Variants in PHF14 observed in about 807,000 individuals in gnomAD.
The protein encoded by PHF14 is PHD finger protein 14.
In PHF14, 55 loss-of-function variants were observed where a neutral mutation model predicts 117.9. The ratio of observed to expected loss-of-function variants is 0.47; its 90% CI spans 0.38 to 0.58. The LOEUF is 0.58. Among genes scored for constraint, PHF14 ranks in the 20% least tolerant of loss-of-function variants. The pLI is 0.00. For missense variants in PHF14, 978 were observed against 1,122.2 expected, an observed-to-expected ratio of 0.87 and a Z score of 1.84; for synonymous variants, 409 against 368.6, an observed-to-expected ratio of 1.11 and a Z score of -1.26.
chr7:11,046,824 C>T (rs942884811), intron 13 of PHF14, among the ~76,000 whole-genome samples: 8 of 151,584 alleles, frequency 5.3e-5, no homozygotes, highest in Non-Finnish European at 8.8e-5. Context: ...CAAGACTTTC[C>T]TCTAAATACA....
rs28444275 is a variant in PHF14 at position 11,130,031 on chromosome 7, A to T, written c.2772+18564A>T. ...AAAAAGAATCCCAAATTTTTAGTTG[A>T]TTAATATAAGTTGATTTCTCATTCA... On this transcript the variant is annotated intron_variant, in intron 17 of 17. Transcript: ENST00000634607. This position sits in a 1 kb window ranked among gnomAD's most constrained non-coding sequence, Gnocchi z 4.2. Among the ~76,000 whole-genome samples, 2,601 of 152,108 alleles carry T rather than the reference A, an allele frequency of 0.017. 69 individuals carry two copies. Among genetic ancestry groups the T allele is most frequent in the African/African-American group, 0.059 (2,459 of 41,490 alleles).
At chr7:10,989,383 A>G (rs1460552929) in intron 3 of PHF14, among the ~76,000 whole-genome samples, 1 of 152,092 alleles carries the variant, frequency 6.6e-6, no homozygotes, top group Non-Finnish European at 1.5e-5. Flanking sequence ...AAAAATATAT[A>G]TTGTGTATTG....
intron 5 of PHF14, among the ~76,000 whole-genome samples, chr7:11,022,596 G>A (rs1191019627): frequency 1.3e-5 from 2 of 152,178 alleles, no homozygotes; most frequent in Admixed American, 6.5e-5. Context: ...AGTGCAGTGA[G>A]TGAATTTTAA....
At chr7:11,163,440 A>C (rs1789108217) in intron 17 of PHF14, among the ~76,000 whole-genome samples, 1 of 152,234 alleles carries the variant, frequency 6.6e-6, no homozygotes, top group Non-Finnish European at 1.5e-5. Flanking sequence ...AAATATGCAA[A>C]GTCAGGAAAT....
intron 16 of PHF14, among the ~76,000 whole-genome samples, chr7:11,101,193 A>G (rs1211519690): frequency 1.3e-5 from 2 of 151,894 alleles, no homozygotes; most frequent in East Asian, 1.9e-4. Context: ...AAACTTATCA[A>G]CTTGAATTTA....
chr7:11,060,180 C>T (rs1385845900), intron 14 of PHF14, among the ~76,000 whole-genome samples: 2 of 152,176 alleles, frequency 1.3e-5, no homozygotes, highest in African/African-American at 4.8e-5. Flanking sequence ...CCTGGCCTGT[C>T]AGTCAGATCT....
At chr7:11,021,042 G>C (rs546285273) in intron 5 of PHF14, among the ~76,000 whole-genome samples, 3 of 152,298 alleles carry the variant, frequency 2.0e-5, no homozygotes, top group African/African-American at 7.2e-5. Context: ...TACTGATACA[G>C]AGCACTTCAA....
At chr7:10,996,482 TC>T (rs113675814) in intron 4 of PHF14, among the ~76,000 whole-genome samples, 7,088 of 152,060 alleles carry the variant, frequency 0.047, 462 homozygotes, top group African/African-American at 0.15. Context: ...GAAAACTGTT[TC>T]AAAAAGAGAG....
At chr7:11,014,828 C>G (rs561188718) in intron 5 of PHF14, 1 of 151,840 alleles carries the variant, frequency 6.6e-6, no homozygotes, top group South Asian at 2.1e-4. Flanking sequence ...ACTACATTCA[C>G]ACTCATGTTT....
chr7:11,144,696 T>A (rs2128352117), intron 17 of PHF14, among the ~76,000 whole-genome samples: 1 of 151,550 alleles, frequency 6.6e-6, no homozygotes, highest in East Asian at 1.9e-4. Context: ...TGTATATTCT[T>A]AAAAAGTTAG....
rs980042219 is a variant in PHF14, at chr7:11,062,067, A to C, written c.2636A>C (p.Asp879Ala). 3 of 1,607,394 alleles carry C rather than the reference A, an allele frequency of 1.9e-6. No individual in the cohort carries two copies. The highest frequency in any genetic ancestry group is 2.5e-6 in the Non-Finnish European group (3 of 1,176,684). ...TECATCKGTG[D>A]NENLVRCDEC... ...TGTGCAACTTGCAAGGGAACTGGAGACAATGAAAATCTTGTCAGGTAAGTT... is the reference window on the plus strand; with the variant it reads ...TGTGCAACTTGCAAGGGAACTGGAGCCAATGAAAATCTTGTCAGGTAAGTT... The change falls in exon 16 of 18, where the codon GAC becomes GCC. Residue 879 changes from aspartate (D) to alanine (A), a missense_variant. Physicochemically the swap from Asp to Ala is moderately radical, Grantham distance 126. This residue lies in a region of PHF14 where 180 missense variants were observed against 195.4 expected (regional missense o/e 0.92). Transcript: ENST00000634607.
intron 16 of PHF14, among the ~76,000 whole-genome samples, chr7:11,083,172 A>G (rs956968804): frequency 3.3e-5 from 5 of 152,208 alleles, no homozygotes; most frequent in African/African-American, 1.2e-4. Flanking sequence ...TGCGTCAGGG[A>G]TAAAAACTTT....
At chr7:11,108,195 A>G (rs1423381588) in intron 16 of PHF14, 1 of 151,774 alleles carries the variant, frequency 6.6e-6, no homozygotes, top group East Asian at 1.9e-4. Flanking sequence ...TGATTAGCAC[A>G]TAGAGCTATG....
At chr7:11,135,355 T>C (rs1222359245) in intron 17 of PHF14, among the ~76,000 whole-genome samples, 1 of 152,082 alleles carries the variant, frequency 6.6e-6, no homozygotes, top group African/African-American at 2.4e-5. Context: ...CAGCTGCACA[T>C]GTCCACAGGG....
At chr7:11,000,900 T>G (rs1782846795) in intron 4 of PHF14, among the ~76,000 whole-genome samples, 1 of 152,254 alleles carries the variant, frequency 6.6e-6, no homozygotes, top group Non-Finnish European at 1.5e-5. Context: ...CTCTTGTTTA[T>G]TACGCTTTTG....
intron 17 of PHF14, among the ~76,000 whole-genome samples, chr7:11,167,400 T>C (rs2128358795): frequency 6.6e-6 from 1 of 152,340 alleles, no homozygotes; most frequent in Middle Eastern, 3.4e-3. Context: ...GCAATCTTAA[T>C]TTACGATAGT....
chr7:11,024,007 A>T (rs1362077571), intron 6 of PHF14, among the ~76,000 whole-genome samples: 1 of 152,214 alleles, frequency 6.6e-6, no homozygotes. Flanking sequence ...TCTGCCGAAT[A>T]GCCAGTATGT....
intron 13 of PHF14, among the ~76,000 whole-genome samples, chr7:11,050,293 C>A (rs1026514467): frequency 6.6e-5 from 10 of 152,058 alleles, no homozygotes; most frequent in African/African-American, 2.4e-4. Context: ...CTGATATAAA[C>A]ATATAAACTA....
chr7:11,064,967 G>C (rs1012645896), intron 16 of PHF14, among the ~76,000 whole-genome samples: 1 of 152,044 alleles, frequency 6.6e-6, no homozygotes, highest in African/African-American at 2.4e-5. Flanking sequence ...ATACATGTAT[G>C]TGTGCATTGA....
Sources: allele counts gnomAD v4.1 joint callset (sites outside exome capture counted in the v4.1 genomes callset), GRCh38; gene constraint gnomAD v4.1.1; regional missense constraint gnomAD v4.1.1; non-coding constraint Gnocchi (gnomAD v3.1); transcripts MANE v1.5; gene names NCBI Gene and HGNC (gene_info 2026-07-23, HGNC 2026-07-21).